Variants in ATP2B4 observed in about 807,000 individuals in gnomAD.
ATP2B4 encodes plasma membrane calcium-transporting ATPase 4.
A neutral mutation model predicts 110.3 loss-of-function variants in ATP2B4; 39 were observed. The observed-to-expected ratio is 0.35, with a 90% confidence interval of 0.27 to 0.46. ATP2B4 has a LOEUF of 0.46. ATP2B4 is among the 20% of genes least tolerant of loss of function. ATP2B4 has a pLI of 1.00. For missense variants in ATP2B4, 1,135 were observed against 1,530.9 expected, an observed-to-expected ratio of 0.74 and a Z score of 4.32; for synonymous variants, 538 against 571.7, an observed-to-expected ratio of 0.94 and a Z score of 0.84.
At chr1:203,683,666 C>CTTTTTTTTTTTTTTTTTTTT (rs11326748) in intron 2 of ATP2B4, among the ~76,000 whole-genome samples, 14 of 77,702 alleles carry the variant, frequency 1.8e-4, no homozygotes, top group Non-Finnish European at 2.6e-4. Context: ...TCTTTTGTTT[C>CTTTTTTTTTTTTTTTTTTTT]TTTTTTTTTT....
At chr1:203,733,278 G>T (rs925196906) in intron 20 of ATP2B4, 1 of 1,614,032 alleles carries the variant, frequency 6.2e-7, no homozygotes, top group South Asian at 1.1e-5. Flanking sequence ...GTCCTAAGGC[G>T]ACAGAACATG....
In ATP2B4 at chr1:203,743,651, G is replaced by A. The variant is rs914918128; in HGVS notation, c.*3797G>A. On this transcript the variant is annotated 3_prime_UTR_variant, in exon 21 of 21. Transcript: ENST00000357681. ...AAATTAGCACGCAGATAGGAATTTT[G>A]AGTTTCTTCTTCTTTTAGTAACTAG... The A allele has an allele frequency of 1.3e-5, 2 of 152,552 alleles. No homozygotes were observed. Among genetic ancestry groups the A allele is most frequent in the Non-Finnish European group, 2.9e-5 (2 of 68,022 alleles). 9.4% of individuals were successfully genotyped at this position (152,552 alleles called of 1,614,324 possible).
chr1:203,703,164 C>CGAGAGAGAGAGAGAGAGAGAGAGA (rs144760902), intron 7 of ATP2B4, among the ~76,000 whole-genome samples: 1 of 145,148 alleles, frequency 6.9e-6, no homozygotes, highest in African/African-American at 2.5e-5. Flanking sequence ...CCCTGACAAT[C>CGAGAGAGAGAGAGAGAGAGAGAGA]GAGAGAGAGA....
intron 2 of ATP2B4, among the ~76,000 whole-genome samples, chr1:203,692,754 C>A (rs1009977609): frequency 2.6e-5 from 4 of 152,200 alleles, no homozygotes; most frequent in African/African-American, 9.7e-5. Context: ...TGGAGCTAAG[C>A]CACTGAGGGT....
intron 1 of ATP2B4, among the ~76,000 whole-genome samples, chr1:203,679,354 C>A (rs1664927691): frequency 6.6e-6 from 1 of 152,110 alleles, no homozygotes. Context: ...TATAGCGATC[C>A]CACCTTAAAC....
At chr1:203,733,645 A>G (rs1337105543) in intron 20 of ATP2B4, 3 of 439,152 alleles carry the variant, frequency 6.8e-6, no homozygotes, top group Non-Finnish European at 1.2e-5. Context: ...CTGTTTTCTG[A>G]TTGTTCCTCT....
chr1:203,659,859 G>A (rs904244164), intron 1 of ATP2B4, among the ~76,000 whole-genome samples: 1 of 151,916 alleles, frequency 6.6e-6, no homozygotes, highest in Non-Finnish European at 1.5e-5. Flanking sequence ...CAAGGCAGGT[G>A]GATCACAAGA....
chr1:203,722,345 T>C (rs1230690624), intron 17 of ATP2B4, 133 bp from the exon 18 acceptor site: 3 of 732,774 alleles, frequency 4.1e-6, no homozygotes, highest in Non-Finnish European at 6.8e-6. Flanking sequence ...AAAAAATAAA[T>C]AACTAGTGCA....
chr1:203,727,035 C>T (rs755525565), intron 19 of ATP2B4, among the ~76,000 whole-genome samples: 9 of 152,280 alleles, frequency 5.9e-5, no homozygotes, highest in East Asian at 1.9e-4. Flanking sequence ...CTTCCTACTG[C>T]GTACCATGCT....
chr1:203,736,116 CTCTAAGATT>C (rs1254003229), intron 20 of ATP2B4, among the ~76,000 whole-genome samples: 1 of 152,230 alleles, frequency 6.6e-6, no homozygotes, highest in African/African-American at 2.4e-5. Context: ...TTAGATAGAT[CTCTAAGATT>C]TCCCTGCATA....
rs541982271 is a variant in ATP2B4 at position 203,632,992 on chromosome 1, T to G, written c.-465+5773T>G. Among the ~76,000 whole-genome samples, 3 of 152,254 alleles carry G rather than the reference T, an allele frequency of 2.0e-5. No individual in the cohort carries two copies. The East Asian group carries it at 5.8e-4, about 29-fold the overall frequency. ...ACACACCTAGTACCTGGATTTTTAT[T>G]TCTAAGTACAACTTCCCACGGGGGA... On this transcript the variant is annotated intron_variant, in intron 1 of 20. Coordinates refer to ENST00000357681, the MANE Select transcript of ATP2B4 (RefSeq NM_001684.5).
chr1:203,667,570 GTTTGTCC>G (rs1407631200), intron 1 of ATP2B4, among the ~76,000 whole-genome samples: 1 of 152,058 alleles, frequency 6.6e-6, no homozygotes, highest in Non-Finnish European at 1.5e-5. Context: ...TCCTCGATAT[GTTTGTCC>G]TTCTTGCTCG....
chr1:203,734,036 T>C (rs12060019), intron 20 of ATP2B4, among the ~76,000 whole-genome samples: 91,769 of 152,148 alleles, frequency 0.6, 28,037 homozygotes, highest in Admixed American at 0.69. Flanking sequence ...CTGGGCACGA[T>C]GGCTCACGCC....
At position 203,703,759 on chromosome 1, in the gene ATP2B4, A is replaced by C; in HGVS notation, c.1045A>C (p.Lys349Gln). The C allele has an allele frequency of 6.2e-7, 1 of 1,614,160 alleles. No individual in the cohort carries two copies. Among genetic ancestry groups the C allele is most frequent in the Non-Finnish European group, 8.5e-7 (1 of 1,180,002 alleles). Reference sequence around the variant, plus strand: ...GGCAGTCAAGGTGCCTAAAAAGGAGAAGTCAGTGCTGCAGGGCAAGCTGAC... The same window carrying C: ...GGCAGTCAAGGTGCCTAAAAAGGAGCAGTCAGTGCTGCAGGGCAAGCTGAC... Reference protein sequence around the residue: ...KKAVKVPKKEKSVLQGKLTRL... With the variant: ...KKAVKVPKKEQSVLQGKLTRL... The change falls in exon 8 of 21, where the codon AAG becomes CAG. Residue 349 changes from lysine to glutamine, a missense_variant. Lys to Gln is a moderately conservative substitution (Grantham distance 53). Transcript: ENST00000357681.
At position 203,723,884 on chromosome 1, in the gene ATP2B4, T is replaced by C; in HGVS notation, c.3028T>C (p.Phe1010Leu). 3 of 1,603,526 alleles carry C rather than the reference T, an allele frequency of 1.9e-6. No individual in the cohort carries two copies. The highest frequency in any genetic ancestry group is 2.6e-6 in the Non-Finnish European group (3 of 1,175,488). The change falls in exon 19 of 21, where the codon TTC (phenylalanine) becomes CTC (leucine). Residue 1010 changes from phenylalanine to leucine, a missense_variant. By Grantham distance (22) the Phe-to-Leu change is conservative. This residue lies in a region of ATP2B4 where 155 missense variants were observed against 186.2 expected (regional missense o/e 0.83). Transcript: ENST00000357681. ...GCTGCCCCTTTCTCTGTTCTAGATT[T>C]TCATCGTGGAATTTGGGGGTAAACC... ...VVLGTFICQIFIVEFGGKPFS... is the reference protein window; with the variant it reads ...VVLGTFICQILIVEFGGKPFS...
At chr1:203,703,601 C>A in intron 7 of ATP2B4, 51 bp from the exon 8 acceptor site, 3 of 1,572,368 alleles carry the variant, frequency 1.9e-6, no homozygotes, top group South Asian at 2.3e-5. Flanking sequence ...GCCTGCCACT[C>A]AGTGCTACCA....
At chr1:203,637,823 T>C (rs1663503274) in intron 1 of ATP2B4, among the ~76,000 whole-genome samples, 1 of 152,206 alleles carries the variant, frequency 6.6e-6, no homozygotes, top group Non-Finnish European at 1.5e-5. Flanking sequence ...AATGCCCTGC[T>C]TCCTATCTTG....
chr1:203,634,273 G>A (rs1663369876), intron 1 of ATP2B4, among the ~76,000 whole-genome samples: 1 of 152,158 alleles, frequency 6.6e-6, no homozygotes, highest in Non-Finnish European at 1.5e-5. Flanking sequence ...TAGTCACCAT[G>A]TAGTGCAGTA....
At chr1:203,673,615 G>A (rs748074620) in intron 1 of ATP2B4, among the ~76,000 whole-genome samples, 4 of 152,224 alleles carry the variant, frequency 2.6e-5, no homozygotes, top group African/African-American at 4.8e-5. Flanking sequence ...CTGTACAGGT[G>A]AGACTGTCAG....
Sources: allele counts gnomAD v4.1 joint callset (sites outside exome capture counted in the v4.1 genomes callset), GRCh38; gene constraint gnomAD v4.1.1; regional missense constraint gnomAD v4.1.1; transcripts MANE v1.5; gene names NCBI Gene and HGNC (gene_info 2026-07-23, HGNC 2026-07-21).